PDE4B: variants seen among roughly 807,000 people sequenced by gnomAD.
PDE4B encodes 3',5'-cyclic-AMP phosphodiesterase 4B.
In PDE4B, 20 loss-of-function variants were observed where a neutral mutation model predicts 82.2. The ratio of observed to expected loss-of-function variants is 0.24; its 90% CI spans 0.17 to 0.35. PDE4B has a LOEUF of 0.35. Ranked by LOEUF, PDE4B falls within the 10% of genes least tolerant of loss-of-function variation. The probability of loss-of-function intolerance (pLI) is 1.00; values close to 1 mark genes in which losing one functional copy is unlikely to be tolerated. For synonymous variants in PDE4B, 320 were observed against 318.9 expected (o/e 1.00, Z -0.04); for missense variants, 655 against 907.2 (o/e 0.72, Z 3.57).
intron 3 of PDE4B, among the ~76,000 whole-genome samples, chr1:66,073,168 G>A (rs1656247120): frequency 6.6e-6 from 1 of 152,030 alleles, no homozygotes; most frequent in Non-Finnish European, 1.5e-5. Flanking sequence ...TGTCTGCTGT[G>A]AATTGGTGCG....
intron 8 of PDE4B, among the ~76,000 whole-genome samples, chr1:66,351,573 G>C (rs947829787): frequency 1.3e-5 from 2 of 152,174 alleles, no homozygotes; most frequent in East Asian, 3.8e-4. Context: ...CAGTCATGTA[G>C]AGGGAGTTTT....
intron 3 of PDE4B, among the ~76,000 whole-genome samples, chr1:66,184,684 T>C (rs1647143085): frequency 6.6e-6 from 1 of 152,106 alleles, no homozygotes. Flanking sequence ...TATAACGAGG[T>C]GTAGAAGCAC....
intron 3 of PDE4B, among the ~76,000 whole-genome samples, chr1:66,189,620 C>T (rs142076344): frequency 1.2e-4 from 19 of 152,140 alleles, no homozygotes; most frequent in Admixed American, 1.0e-3. Context: ...TCCAGTTGAT[C>T]GAATAGGCTA....
chr1:66,283,086 A>G (rs1656409401), intron 7 of PDE4B, among the ~76,000 whole-genome samples: 3 of 152,194 alleles, frequency 2.0e-5, no homozygotes, highest in Admixed American at 2.0e-4. Flanking sequence ...GGAAGGGGAC[A>G]TGGTGCCTGA....
chr1:66,291,937 G>GT (rs1291646888), intron 7 of PDE4B, among the ~76,000 whole-genome samples: 1 of 152,012 alleles, frequency 6.6e-6, no homozygotes, highest in Non-Finnish European at 1.5e-5. Context: ...CCTGTGAATT[G>GT]TTTTTTTCAT....
intron 3 of PDE4B, among the ~76,000 whole-genome samples, chr1:65,995,165 A>G (rs1651469344): frequency 6.6e-6 from 1 of 152,138 alleles, no homozygotes; most frequent in African/African-American, 2.4e-5. Flanking sequence ...AGTTTTGACT[A>G]TGATTCATTT....
intron 8 of PDE4B, among the ~76,000 whole-genome samples, chr1:66,351,130 T>A (rs1390371979): frequency 6.6e-6 from 1 of 152,236 alleles, no homozygotes; most frequent in Non-Finnish European, 1.5e-5. Context: ...TAAGAAGGCA[T>A]CGGAGGAATT....
intron 3 of PDE4B, among the ~76,000 whole-genome samples, chr1:66,020,625 T>A (rs1653044787): frequency 1.3e-5 from 2 of 152,328 alleles, no homozygotes; most frequent in South Asian, 4.1e-4. Flanking sequence ...TTCATCCATG[T>A]CCCTACAAAG....
At chr1:65,864,504 C>A (rs537257599) in intron 1 of PDE4B, among the ~76,000 whole-genome samples, 6 of 152,018 alleles carry the variant, frequency 3.9e-5, no homozygotes, top group Non-Finnish European at 8.8e-5. Flanking sequence ...ATTTATCTAC[C>A]TTTGATCTTT....
At chr1:66,287,318 C>G (rs919666933) in intron 7 of PDE4B, among the ~76,000 whole-genome samples, 2 of 152,128 alleles carry the variant, frequency 1.3e-5, no homozygotes, top group South Asian at 2.1e-4. Flanking sequence ...CACACATTGC[C>G]TGTGTATTAG....
chr1:65,807,757 G>A (rs1329396214), intron 1 of PDE4B, among the ~76,000 whole-genome samples: 1 of 152,190 alleles, frequency 6.6e-6, no homozygotes, highest in Non-Finnish European at 1.5e-5. Context: ...TCAATGTGAT[G>A]TGGTGTCCTC....
chr1:66,284,258 T>G (rs1358801084), intron 7 of PDE4B, among the ~76,000 whole-genome samples: 2 of 152,098 alleles, frequency 1.3e-5, no homozygotes, highest in Non-Finnish European at 2.9e-5. Context: ...TTTTAAAAAT[T>G]AGTATTTCCC....
chr1:65,830,429 G>A (rs1342229224), intron 1 of PDE4B, among the ~76,000 whole-genome samples: 1 of 152,072 alleles, frequency 6.6e-6, no homozygotes. Flanking sequence ...TCACAGTGGA[G>A]AACTCTCATA....
chr1:65,909,288 A>G (rs1647061455), intron 1 of PDE4B, among the ~76,000 whole-genome samples: 2 of 152,280 alleles, frequency 1.3e-5, no homozygotes, highest in Admixed American at 6.5e-5. Context: ...TCAAAATATT[A>G]CTTTTGTTTT....
At chr1:66,325,985 T>A (rs1387974262) in intron 7 of PDE4B, among the ~76,000 whole-genome samples, 1 of 152,214 alleles carries the variant, frequency 6.6e-6, no homozygotes, top group Non-Finnish European at 1.5e-5. Context: ...GGCACAGTTA[T>A]GATTTATAAA....
intron 3 of PDE4B, among the ~76,000 whole-genome samples, chr1:66,057,508 T>C (rs1655365348): frequency 6.6e-6 from 1 of 152,160 alleles, no homozygotes; most frequent in South Asian, 2.1e-4. Context: ...TTCATGCTGC[T>C]GATAAAGACA....
At chr1:66,198,778 A>T (rs1648578194) in intron 3 of PDE4B, among the ~76,000 whole-genome samples, 1 of 149,156 alleles carries the variant, frequency 6.7e-6, no homozygotes, top group South Asian at 2.1e-4. Flanking sequence ...ACCCCACAAC[A>T]GTCCCTGGAG....
chr1:66,318,338 A>T (rs1659170052), intron 7 of PDE4B, among the ~76,000 whole-genome samples: 1 of 152,164 alleles, frequency 6.6e-6, no homozygotes, highest in African/African-American at 2.4e-5. Context: ...ATAGTCTCTC[A>T]CACACTGCCT....
intron 3 of PDE4B, among the ~76,000 whole-genome samples, chr1:65,966,661 C>T (rs941000852): frequency 2.0e-5 from 3 of 152,094 alleles, no homozygotes; most frequent in Non-Finnish European, 4.4e-5. Context: ...TACAAGGTTA[C>T]AGTAACCAAA....
Sources: allele counts gnomAD v4.1 joint callset (sites outside exome capture counted in the v4.1 genomes callset), GRCh38; gene constraint gnomAD v4.1.1; transcripts MANE v1.5; gene names NCBI Gene and HGNC (gene_info 2026-07-23, HGNC 2026-07-21).